Variants in LRFN5 observed in about 807,000 individuals in gnomAD.
LRFN5 encodes leucine rich repeat and fibronectin type III domain containing 5.
In LRFN5, 24 loss-of-function variants were observed where a neutral mutation model predicts 45.6. The ratio of observed to expected loss-of-function variants is 0.53; its 90% CI spans 0.38 to 0.74. The LOEUF is 0.74. Ranked by LOEUF, LRFN5 falls within the 30% of genes least tolerant of loss-of-function variation. LRFN5 has a pLI of 0.00. For missense variants in LRFN5, 776 were observed against 861.5 expected, an observed-to-expected ratio of 0.90 and a Z score of 1.24; for synonymous variants, 340 against 313.8, an observed-to-expected ratio of 1.08 and a Z score of -0.88.
Position 41,887,833 on chromosome 14 carries a change from C to T in LRFN5, c.1208C>T (p.Ser403Leu). ...GSSDISTSTK[S>L]GSNTSSSNGD... ...TCAGATATCTCAACTTCTACCAAGT[C>T]AGGTTCTAATACAAGCAGTAGTAAT... The change falls in exon 3 of 6, where the codon TCA becomes TTA. Residue 403 changes from serine (S) to leucine (L), a missense_variant. Ser to Leu is a moderately radical substitution (Grantham distance 145, BLOSUM62 -2). Around this residue, in one of 2 missense-constraint regions of LRFN5, gnomAD observed 465 missense variants for 456.4 expected, o/e 1.02. Transcript: ENST00000298119. This position sits in a 1 kb window ranked among gnomAD's most constrained non-coding sequence, Gnocchi z 4.8. The T allele has an allele frequency of 1.9e-6, 3 of 1,614,026 alleles. No homozygotes were observed. The highest frequency in any genetic ancestry group is 2.5e-6 in the Non-Finnish European group (3 of 1,180,008).
intron 4 of LRFN5, among the ~76,000 whole-genome samples, 190 bp from the exon 5 acceptor site, chr14:41,898,727 A>G (rs955070140): frequency 6.6e-6 from 1 of 152,080 alleles, no homozygotes; most frequent in Non-Finnish European, 1.5e-5. Context: ...AAGTAGACAT[A>G]GAGAACTGAA....
intron 2 of LRFN5, among the ~76,000 whole-genome samples, chr14:41,801,769 T>C (rs994077740): frequency 6.6e-6 from 1 of 152,174 alleles, no homozygotes; most frequent in Admixed American, 6.6e-5. Context: ...TAAATTGCTC[T>C]TCTGAGAATG....
intron 2 of LRFN5, among the ~76,000 whole-genome samples, chr14:41,823,850 A>G (rs927059271): frequency 2.6e-5 from 4 of 152,114 alleles, no homozygotes; most frequent in Non-Finnish European, 5.9e-5. Flanking sequence ...TTTCTCAAAG[A>G]CTTTGTTCAT....
chr14:41,801,392 T>A (rs377232910), intron 2 of LRFN5, among the ~76,000 whole-genome samples: 97 of 152,312 alleles, frequency 6.4e-4, no homozygotes, highest in African/African-American at 2.2e-3. Flanking sequence ...TCTTTCATTT[T>A]GAAATTAGTA....
chr14:41,892,446 TA>T (rs1566509917), intron 4 of LRFN5: 1 of 983,880 alleles, frequency 1.0e-6, no homozygotes, highest in East Asian at 1.1e-4. Context: ...AACAGCAGAT[TA>T]AAAAAATGAA....
chr14:41,716,983 TA>T (rs1290666406), intron 1 of LRFN5, among the ~76,000 whole-genome samples: 54 of 152,216 alleles, frequency 3.5e-4, no homozygotes, highest in Non-Finnish European at 7.3e-5. Context: ...TATTTTCTAA[TA>T]GAGTCTTTCA....
At chr14:41,763,269 T>G (rs1251490993) in intron 1 of LRFN5, among the ~76,000 whole-genome samples, 2 of 152,238 alleles carry the variant, frequency 1.3e-5, no homozygotes, top group Non-Finnish European at 2.9e-5. Flanking sequence ...TCAGCCTTGG[T>G]CTAGAAGACT....
intron 2 of LRFN5, among the ~76,000 whole-genome samples, chr14:41,861,544 G>A (rs1455713619): frequency 6.6e-6 from 1 of 152,124 alleles, no homozygotes; most frequent in African/African-American, 2.4e-5. Flanking sequence ...TTTTTAATGA[G>A]TGTCTACATG....
intron 2 of LRFN5, among the ~76,000 whole-genome samples, chr14:41,880,324 C>T (rs1158133285): frequency 6.6e-6 from 1 of 151,898 alleles, no homozygotes; most frequent in Non-Finnish European, 1.5e-5. Flanking sequence ...TTAATAGTCT[C>T]ATTTCTTCTA....
chr14:41,881,225 A>G (rs937584616), intron 2 of LRFN5, among the ~76,000 whole-genome samples: 5 of 152,118 alleles, frequency 3.3e-5, no homozygotes, highest in Non-Finnish European at 7.4e-5. Flanking sequence ...CTTGCACAGA[A>G]TATCTGAGAT....
chr14:41,785,047 C>G (rs1304405962), intron 2 of LRFN5, among the ~76,000 whole-genome samples: 1 of 152,086 alleles, frequency 6.6e-6, no homozygotes, highest in Non-Finnish European at 1.5e-5. Flanking sequence ...CTTCTGAAAT[C>G]TATTTCAAAT....
intron 2 of LRFN5, among the ~76,000 whole-genome samples, chr14:41,777,930 A>G (rs1234380055): frequency 6.6e-6 from 1 of 151,032 alleles, no homozygotes; most frequent in Non-Finnish European, 1.5e-5. Flanking sequence ...CTCTGTCTTT[A>G]AGATGGTAAT....
At chr14:41,834,100 A>G (rs1888578364) in intron 2 of LRFN5, among the ~76,000 whole-genome samples, 3 of 152,140 alleles carry the variant, frequency 2.0e-5, no homozygotes, top group Admixed American at 2.0e-4. Context: ...TTGCTTCCAG[A>G]TCTACATTGT....
chr14:41,892,004 C>A, intron 4 of LRFN5, 42 bp downstream of exon 4: 3 of 1,591,604 alleles, frequency 1.9e-6, no homozygotes, highest in Non-Finnish European at 2.6e-6. Flanking sequence ...CGGAGCAAGG[C>A]ACAAGTACTC....
intron 1 of LRFN5, among the ~76,000 whole-genome samples, chr14:41,734,029 C>CTTTTTTTTTTTTT (rs58623215): frequency 8.1e-6 from 1 of 123,886 alleles, no homozygotes; most frequent in African/African-American, 3.2e-5. Flanking sequence ...CTTTTCTTTT[C>CTTTTTTTTTTTTT]TTTTTTTTTT....
chr14:41,893,732 T>C (rs1890855814), intron 4 of LRFN5: 2 of 985,186 alleles, frequency 2.0e-6, no homozygotes, highest in Middle Eastern at 5.2e-4. Context: ...TAGTTAGAGA[T>C]TACTTTCAGT....
intron 2 of LRFN5, among the ~76,000 whole-genome samples, chr14:41,853,653 G>A (rs1015352113): frequency 2.0e-5 from 3 of 151,976 alleles, no homozygotes; most frequent in Non-Finnish European, 4.4e-5. Flanking sequence ...TAGATATAAG[G>A]TTCTGGAACT....
chr14:41,839,281 C>T (rs1443694576), intron 2 of LRFN5, among the ~76,000 whole-genome samples: 1 of 151,784 alleles, frequency 6.6e-6, no homozygotes, highest in Non-Finnish European at 1.5e-5. Flanking sequence ...ATGTGGTGTC[C>T]TAGTCAAGTT....
At chr14:41,731,689 C>G (rs1363796924) in intron 1 of LRFN5, 1 of 152,094 alleles carries the variant, frequency 6.6e-6, no homozygotes, top group African/African-American at 2.4e-5. Flanking sequence ...CTTTAGCCAT[C>G]ATCAGCCAGA....
Sources: allele counts gnomAD v4.1 joint callset (sites outside exome capture counted in the v4.1 genomes callset), GRCh38; gene constraint gnomAD v4.1.1; regional missense constraint gnomAD v4.1.1; non-coding constraint Gnocchi (gnomAD v3.1); transcripts MANE v1.5; gene names NCBI Gene and HGNC (gene_info 2026-07-23, HGNC 2026-07-21).